NUP210L: variants seen among roughly 807,000 people sequenced by gnomAD.
The protein encoded by NUP210L is nuclear pore membrane glycoprotein 210-like.
NUP210L carries 74 observed loss-of-function variants against 208.5 expected under a neutral mutation model. The ratio of observed to expected loss-of-function variants is 0.35; its 90% CI spans 0.29 to 0.43. NUP210L has a LOEUF of 0.43. Among genes scored for constraint, NUP210L ranks in the 20% least tolerant of loss-of-function variants. The pLI is 1.00. For missense variants in NUP210L, 1,843 were observed against 2,289.4 expected (o/e 0.81, Z 3.98); for synonymous variants, 780 against 816.9 (o/e 0.95, Z 0.77).
exon 13 of NUP210L, chr1:154,104,110 T>A (rs762442432): frequency 1.9e-6 from 3 of 1,613,970 alleles, no homozygotes; most frequent in Non-Finnish European, 2.5e-6. Flanking sequence ...GGTCTCTTTA[T>A]TTATGTGATA....
intron 27 of NUP210L, among the ~76,000 whole-genome samples, chr1:154,033,170 G>A (rs1652355036): frequency 6.6e-6 from 1 of 152,100 alleles, no homozygotes; most frequent in African/African-American, 2.4e-5. Context: ...TGGATAGTTT[G>A]CAAGTATTTT....
At chr1:154,091,927 T>C (rs2148049104) in intron 15 of NUP210L, among the ~76,000 whole-genome samples, 1 of 152,088 alleles carries the variant, frequency 6.6e-6, no homozygotes, top group East Asian at 1.9e-4. Flanking sequence ...TTGAGAACAT[T>C]ATGTTAAGTG....
chr1:154,037,336 T>C (rs1271738578), intron 27 of NUP210L, among the ~76,000 whole-genome samples: 1 of 152,170 alleles, frequency 6.6e-6, no homozygotes. Context: ...AACTCTAATA[T>C]TATTTGCTTT....
exon 39 of NUP210L, chr1:153,993,030 C>G (rs1292206173): frequency 6.2e-7 from 1 of 1,613,432 alleles, no homozygotes; most frequent in Admixed American, 1.7e-5. Flanking sequence ...TGTGGTGTTC[C>G]TAGAGTTGGT....
intron 35 of NUP210L, among the ~76,000 whole-genome samples, chr1:154,008,447 G>C (rs910242747): frequency 3.3e-5 from 5 of 152,078 alleles, no homozygotes; most frequent in Non-Finnish European, 7.4e-5. Flanking sequence ...GGTGTCTAAC[G>C]CCTGTAATCC....
chr1:154,056,832 T>C (rs1259865062), exon 23 of NUP210L: 2 of 1,587,098 alleles, frequency 1.3e-6, no homozygotes, highest in Non-Finnish European at 1.7e-6. Flanking sequence ...TGCCGAGGAG[T>C]TGATGTGTAT....
chr1:154,126,609 T>A lies in NUP210L; in HGVS notation c.1186-146A>T, dbSNP rs528044406. The A allele has an allele frequency of 2.8e-5, 16 of 572,306 alleles. No homozygotes were observed. The African/African-American group carries it at 3.1e-4, about 11-fold the overall frequency. 35.5% of individuals were successfully genotyped at this position (572,306 alleles called of 1,614,324 possible). ...AAACTTTTGCTCTCCCTCATAGAAA[T>A]TAAAAGTTGGGGAGATATAATTTTA... On this transcript the variant is annotated intron_variant, in intron 9 of 39. Coordinates refer to ENST00000368559, the Ensembl canonical transcript of NUP210L.
chr1:154,147,287 G>A (rs1659163993), intron 2 of NUP210L, among the ~76,000 whole-genome samples: 1 of 151,944 alleles, frequency 6.6e-6, no homozygotes, highest in Non-Finnish European at 1.5e-5. Context: ...CATAACCCCA[G>A]GCTAATCATG....
intron 12 of NUP210L, among the ~76,000 whole-genome samples, chr1:154,109,757 C>G (rs1055992979): frequency 6.6e-6 from 1 of 151,398 alleles, no homozygotes; most frequent in Non-Finnish European, 1.5e-5. Flanking sequence ...ATTTTGGAAA[C>G]TATACAAACA....
At chr1:154,092,543 G>GT (rs1557971363) in intron 15 of NUP210L, among the ~76,000 whole-genome samples, 7 of 135,752 alleles carry the variant, frequency 5.2e-5, no homozygotes, top group Non-Finnish European at 1.1e-4. Flanking sequence ...CTAGTTTTTT[G>GT]TTTTTTGTTT....
intron 7 of NUP210L, among the ~76,000 whole-genome samples, chr1:154,134,862 C>G (rs1348047363): frequency 6.6e-6 from 1 of 151,598 alleles, no homozygotes; most frequent in African/African-American, 2.4e-5. Context: ...CTCAGCCTCC[C>G]GAGTAGCTGG....
At chr1:154,040,784 G>A (rs1484174488) in intron 27 of NUP210L, among the ~76,000 whole-genome samples, 2 of 151,906 alleles carry the variant, frequency 1.3e-5, no homozygotes, top group Non-Finnish European at 1.5e-5. Flanking sequence ...CTAGAGGTGG[G>A]GTTTCACCAT....
chr1:154,140,666 C>CG (rs1658806134), intron 4 of NUP210L, among the ~76,000 whole-genome samples: 6 of 102,424 alleles, frequency 5.9e-5, no homozygotes, highest in East Asian at 4.9e-4. Flanking sequence ...GACTCCATCT[C>CG]AAAAAAAAAA....
At chr1:154,103,852 T>C (rs1004919356) in intron 13 of NUP210L, among the ~76,000 whole-genome samples, 160 bp downstream of exon 13, 4 of 152,286 alleles carry the variant, frequency 2.6e-5, no homozygotes, top group Middle Eastern at 3.4e-3. Flanking sequence ...CAAAATAAAG[T>C]ATTATAAAGA....
At chr1:154,038,214 C>A (rs1188729981) in intron 27 of NUP210L, among the ~76,000 whole-genome samples, 1 of 152,116 alleles carries the variant, frequency 6.6e-6, no homozygotes, top group African/African-American at 2.4e-5. Context: ...CTCACTGTGA[C>A]TTCTGCCTCC....
At chr1:154,015,752 C>CT (rs1557915430) in intron 33 of NUP210L, among the ~76,000 whole-genome samples, 9 of 150,512 alleles carry the variant, frequency 6.0e-5, no homozygotes, top group Non-Finnish European at 1.2e-4. Flanking sequence ...CACACACACC[C>CT]CACAGAATTA....
At chr1:154,145,397 GACAGAGCGAGATTCCGTCT>G (rs1309631721) in intron 2 of NUP210L, among the ~76,000 whole-genome samples, 1 of 151,494 alleles carries the variant, frequency 6.6e-6, no homozygotes, top group African/African-American at 2.4e-5. Context: ...CAGCCTGGGT[GACAGAGCGAGATTCCGTCT>G]ACAAAAAAAA....
intron 10 of NUP210L, among the ~76,000 whole-genome samples, chr1:154,123,827 G>C (rs1239200567): frequency 6.6e-6 from 1 of 151,640 alleles, no homozygotes; most frequent in African/African-American, 2.4e-5. Flanking sequence ...GCAGTGAACC[G>C]AGATCGTGCC....
intron 2 of NUP210L, among the ~76,000 whole-genome samples, chr1:154,149,099 T>TTTTTTTTTTTTTTTTTG (rs397789894): frequency 1.3e-5 from 2 of 150,578 alleles, no homozygotes; most frequent in South Asian, 2.1e-4. Context: ...TTTTTTTTTT[T>TTTTTTTTTTTTTTTTTG]CCTGAGAAGG....
Sources: gnomAD v4.1 joint callset for allele counts (sites outside exome capture counted in the v4.1 genomes callset) on GRCh38, gnomAD v4.1.1 for gene constraint, MANE v1.5 for transcripts, NCBI Gene and HGNC (gene_info 2026-07-23, HGNC 2026-07-21) for gene names.